Variants in FAM135A observed in about 807,000 individuals in gnomAD.
FAM135A encodes family with sequence similarity 135 member A.
Under a neutral mutation model 146.8 loss-of-function variants are expected in FAM135A, and 79 were observed. That is an observed-to-expected ratio of 0.54 (90% CI 0.45 to 0.65). The LOEUF (loss-of-function observed/expected upper bound fraction) is 0.65. Among genes scored for constraint, FAM135A ranks in the 30% least tolerant of loss-of-function variants. FAM135A has a pLI of 0.00. For missense variants in FAM135A, 1,623 were observed against 1,758.2 expected, an observed-to-expected ratio of 0.92 and a Z score of 1.38; for synonymous variants, 562 against 603.6, an observed-to-expected ratio of 0.93 and a Z score of 1.01.
chr6:70,463,602 A>AT (rs924449059), intron 5 of FAM135A, among the ~76,000 whole-genome samples: 1 of 151,882 alleles, frequency 6.6e-6, no homozygotes, highest in African/African-American at 2.4e-5. Context: ...TGTTGTTATA[A>AT]TTTTTTCTCA....
chr6:70,523,189 G>C (rs767460801), intron 13 of FAM135A, among the ~76,000 whole-genome samples: 1 of 152,136 alleles, frequency 6.6e-6, no homozygotes, highest in Non-Finnish European at 1.5e-5. Context: ...GGTTTTCTTG[G>C]CATTGACTTG....
At chr6:70,481,921 T>G in intron 9 of FAM135A, 80 bp from the exon 10 acceptor site, 1 of 1,374,664 alleles carries the variant, frequency 7.3e-7, no homozygotes, top group East Asian at 2.5e-5. Flanking sequence ...GGTTAAGTAT[T>G]TTTTCTTTAT....
At chr6:70,545,844 A>G (rs1798764883) in intron 20 of FAM135A, among the ~76,000 whole-genome samples, 2 of 152,210 alleles carry the variant, frequency 1.3e-5, no homozygotes. Flanking sequence ...GCCTGAGGTC[A>G]CTTAGCTTTA....
chr6:70,478,539 CAT>C (rs1298816059), intron 8 of FAM135A, among the ~76,000 whole-genome samples: 1 of 152,172 alleles, frequency 6.6e-6, no homozygotes, highest in Non-Finnish European at 1.5e-5. Flanking sequence ...CACAATTTAA[CAT>C]ATTGACCACA....
intron 5 of FAM135A, among the ~76,000 whole-genome samples, chr6:70,464,658 C>CTTTCTT (rs1460241786): frequency 1.1e-4 from 11 of 100,422 alleles, no homozygotes; most frequent in African/African-American, 3.7e-4. Flanking sequence ...TTCTTTCTTT[C>CTTTCTT]TTTTTTTTCT....
chr6:70,485,321 C>T (rs1280120465), intron 10 of FAM135A, among the ~76,000 whole-genome samples: 1 of 151,998 alleles, frequency 6.6e-6, no homozygotes, highest in Non-Finnish European at 1.5e-5. Flanking sequence ...TTAAACTTTA[C>T]GGTTTTTATT....
intron 9 of FAM135A, 58 bp downstream of exon 9, chr6:70,481,085 A>T (rs1240698941): frequency 7.1e-7 from 1 of 1,405,258 alleles, no homozygotes; most frequent in Non-Finnish European, 9.5e-7. Flanking sequence ...TGTTTTTAAC[A>T]ATTTTATCTG....
chr6:70,533,606 A>G (rs1042933084), intron 17 of FAM135A, 151 bp from the exon 18 acceptor site: 5 of 576,676 alleles, frequency 8.7e-6, no homozygotes, highest in African/African-American at 8.0e-5. Flanking sequence ...TGCTCGTTTT[A>G]AGATAAAAAA....
intron 4 of FAM135A, among the ~76,000 whole-genome samples, chr6:70,447,672 C>T (rs983451804): frequency 1.3e-5 from 2 of 152,218 alleles, no homozygotes; most frequent in African/African-American, 2.4e-5. Context: ...CCCCTCATGG[C>T]GTTTCCCGAA....
At chr6:70,532,491 A>G (rs1796011248) in intron 16 of FAM135A, among the ~76,000 whole-genome samples, 1 of 152,222 alleles carries the variant, frequency 6.6e-6, no homozygotes. Flanking sequence ...AAATGCATTC[A>G]CAGTTTGCTG....
intron 11 of FAM135A, among the ~76,000 whole-genome samples, chr6:70,491,317 A>G (rs1286873491): frequency 6.6e-6 from 1 of 151,982 alleles, no homozygotes; most frequent in Non-Finnish European, 1.5e-5. Flanking sequence ...AATAGCAAAG[A>G]TAATTAACTG....
intron 2 of FAM135A, among the ~76,000 whole-genome samples, chr6:70,419,381 T>C (rs1284153024): frequency 1.3e-5 from 2 of 151,176 alleles, no homozygotes; most frequent in Non-Finnish European, 2.9e-5. Flanking sequence ...ATAGCGCCAC[T>C]GCACTCCAGC....
intron 2 of FAM135A, among the ~76,000 whole-genome samples, chr6:70,416,401 T>A (rs888295719): frequency 7.2e-5 from 11 of 152,242 alleles, no homozygotes; most frequent in Admixed American, 2.6e-4. Flanking sequence ...TTTGTTTACA[T>A]TAAATAAAAT....
At chr6:70,507,460 A>G (rs1210660142) in intron 12 of FAM135A, among the ~76,000 whole-genome samples, 1 of 152,192 alleles carries the variant, frequency 6.6e-6, no homozygotes, top group Non-Finnish European at 1.5e-5. Context: ...AAGCAGCACA[A>G]TTGAGCAAAG....
At chr6:70,413,903 C>T (rs1208907781) in intron 1 of FAM135A, 1 of 985,262 alleles carries the variant, frequency 1.0e-6, no homozygotes, top group African/African-American at 1.7e-5. Flanking sequence ...CGGTGCGGAG[C>T]GCTCTGAGGG....
In FAM135A at chr6:70,524,636, G is replaced by A; in HGVS notation, c.1552G>A (p.Val518Met). The A allele has an allele frequency of 6.5e-7, 1 of 1,549,242 alleles. No individual in the cohort carries two copies. Among genetic ancestry groups the A allele is most frequent in the Non-Finnish European group, 8.7e-7 (1 of 1,146,286 alleles). ...AATAAAACAGAACTCTAAGGATTCT[G>A]TGGTTTTGGTAGGCTACAAATGTTT... is the stretch of plus-strand genomic sequence containing the variant. ...KLIKQNSKDSVVLVGYKCLKS... is the reference protein window; with the variant it reads ...KLIKQNSKDSMVLVGYKCLKS... Residue 518 changes from valine to methionine, a missense_variant, in exon 15 of 22, where the codon GTG becomes ATG. Transcript: ENST00000418814.
At chr6:70,501,355 G>T (rs1582587516) in intron 11 of FAM135A, among the ~76,000 whole-genome samples, 1 of 152,310 alleles carries the variant, frequency 6.6e-6, no homozygotes, top group Non-Finnish European at 1.5e-5. Context: ...TACCAAGCTT[G>T]ATCTTCCCCA....
chr6:70,550,696 A>T (rs905646634), intron 20 of FAM135A, among the ~76,000 whole-genome samples: 1 of 152,168 alleles, frequency 6.6e-6, no homozygotes, highest in African/African-American at 2.4e-5. Flanking sequence ...ATTGATTTCA[A>T]GGCCCCAGCT....
chr6:70,458,438 G>T (rs944394682), intron 5 of FAM135A, among the ~76,000 whole-genome samples: 4 of 152,054 alleles, frequency 2.6e-5, no homozygotes, highest in African/African-American at 9.7e-5. Context: ...GGTTTGCAAA[G>T]ATATGTGCAA....
Sources: allele counts gnomAD v4.1 joint callset (sites outside exome capture counted in the v4.1 genomes callset), GRCh38; gene constraint gnomAD v4.1.1; transcripts MANE v1.5; gene names NCBI Gene and HGNC (gene_info 2026-07-23, HGNC 2026-07-21).